The following RAPGEF2 variants were observed in gnomAD, a reference collection of about 807,000 sequenced individuals.
RAPGEF2 encodes the protein Rap guanine nucleotide exchange factor 2, also known as PDZ domain containing guanine nucleotide exchange factor (GEF) 1.
A neutral mutation model predicts 186.7 loss-of-function variants in RAPGEF2; 54 were observed. That is an observed-to-expected ratio of 0.29 (90% confidence interval 0.23 to 0.36). The LOEUF (loss-of-function observed/expected upper bound fraction) is 0.36, where lower values mean the gene tolerates loss of function less well. Among genes scored for constraint, RAPGEF2 ranks in the 10% least tolerant of loss-of-function variants. The pLI is 1.00. For missense variants in RAPGEF2, 1,532 were observed against 2,045.0 expected (o/e 0.75, Z 4.84); for synonymous variants, 712 against 705.9 (o/e 1.01, Z -0.14).
chr4:159,301,419 G>A (rs1171007901), intron 7 of RAPGEF2, among the ~76,000 whole-genome samples: 1 of 151,988 alleles, frequency 6.6e-6, no homozygotes, highest in Non-Finnish European at 1.5e-5. Context: ...CTAATTGGTG[G>A]GAAAAGATTT....
At chr4:159,175,788 A>G (rs1330184956) in intron 1 of RAPGEF2, among the ~76,000 whole-genome samples, 1 of 152,148 alleles carries the variant, frequency 6.6e-6, no homozygotes, top group Non-Finnish European at 1.5e-5. Context: ...CACAGATTGA[A>G]AACACATTTC....
At chr4:159,157,923 T>C (rs1270672942) in intron 1 of RAPGEF2, among the ~76,000 whole-genome samples, 1 of 152,122 alleles carries the variant, frequency 6.6e-6, no homozygotes, top group Non-Finnish European at 1.5e-5. Flanking sequence ...GTAGGGAAGC[T>C]GGGTTTTGAG....
chr4:159,229,030 A>G (rs1363680655), intron 4 of RAPGEF2, among the ~76,000 whole-genome samples: 2 of 152,196 alleles, frequency 1.3e-5, no homozygotes, highest in Admixed American at 6.5e-5. Context: ...AAACAAATCA[A>G]TTGGTTTTGA....
chr4:159,232,218 G>A (rs765481483), intron 4 of RAPGEF2, among the ~76,000 whole-genome samples: 4 of 152,166 alleles, frequency 2.6e-5, no homozygotes, highest in Non-Finnish European at 5.9e-5. Context: ...TGTGCCACTA[G>A]TGGCGCTACC....
intron 3 of RAPGEF2, among the ~76,000 whole-genome samples, chr4:159,205,135 T>G (rs78374211): frequency 6.6e-6 from 1 of 152,218 alleles, no homozygotes; most frequent in African/African-American, 2.4e-5. Context: ...GAGTTCATAT[T>G]GAGACCATTT....
chr4:159,240,895 A>G (rs549863448), intron 5 of RAPGEF2: 48 of 263,876 alleles, frequency 1.8e-4, no homozygotes, highest in Middle Eastern at 1.1e-3. Context: ...ATCCTGTGAG[A>G]TCTTTCACTA....
At chr4:159,250,987 G>A (rs1450886985) in intron 7 of RAPGEF2, among the ~76,000 whole-genome samples, 2 of 152,332 alleles carry the variant, frequency 1.3e-5, no homozygotes, top group African/African-American at 4.8e-5. Flanking sequence ...GTTCCCAGTG[G>A]GCACAGGCTT....
At chr4:159,108,003 G>C (rs986464829) in intron 1 of RAPGEF2, among the ~76,000 whole-genome samples, 1 of 152,026 alleles carries the variant, frequency 6.6e-6, no homozygotes, top group Admixed American at 6.5e-5. Context: ...TAAACTATCT[G>C]TATGCCATTT....
intron 13 of RAPGEF2, among the ~76,000 whole-genome samples, chr4:159,330,822 T>G (rs1766589718): frequency 6.6e-6 from 1 of 152,164 alleles, no homozygotes; most frequent in African/African-American, 2.4e-5. Flanking sequence ...AATCTACATT[T>G]TCTAGTTTGG....
rs993705729 is a variant in RAPGEF2, at chr4:159,341,633, A to G, written c.2604A>G (p.Arg868=). Residue 868 remains arginine (R), a synonymous_variant, in exon 20 of 30, where the codon AGA becomes AGG. Transcript: ENST00000691494. ...CSDEDAQELL[R]ESQISLLQLS... Reference sequence around the variant, plus strand: ...ATGAAGATGCTCAGGAGTTGTTGAGAGAGAGTCAAATTTCCCTCCTTCAGC... The same window carrying G: ...ATGAAGATGCTCAGGAGTTGTTGAGGGAGAGTCAAATTTCCCTCCTTCAGC... 2 of 1,613,896 alleles carry G rather than the reference A, an allele frequency of 1.2e-6. No individual in the cohort carries two copies. The highest frequency in any genetic ancestry group is 1.7e-5 in the Admixed American group (1 of 59,992).
chr4:159,206,279 C>T (rs1241323146), intron 3 of RAPGEF2, among the ~76,000 whole-genome samples: 1 of 152,104 alleles, frequency 6.6e-6, no homozygotes, highest in African/African-American at 2.4e-5. Context: ...CTGTTGAGTA[C>T]CTCATGTAAT....
intron 16 of RAPGEF2, 31 bp from the exon 17 acceptor site, chr4:159,332,420 T>C (rs1181637670): frequency 1.9e-6 from 3 of 1,591,292 alleles, no homozygotes; most frequent in Non-Finnish European, 2.6e-6. Context: ...TAATTGCCAT[T>C]ACGTGGTGTT....
intron 7 of RAPGEF2, among the ~76,000 whole-genome samples, chr4:159,252,873 A>G (rs752580439): frequency 2.8e-4 from 43 of 151,518 alleles, no homozygotes; most frequent in Non-Finnish European, 5.3e-4. Context: ...AAATTGAAAC[A>G]AAAAGTTTTA....
At chr4:159,343,683 G>A (rs1263606373) in intron 22 of RAPGEF2, among the ~76,000 whole-genome samples, 1 of 152,160 alleles carries the variant, frequency 6.6e-6, no homozygotes, top group East Asian at 1.9e-4. Context: ...ACACTGACTT[G>A]TAGAGCTAAA....
chr4:159,132,010 A>G lies in RAPGEF2; in HGVS notation c.69+27779A>G, dbSNP rs540520673. Among the ~76,000 whole-genome samples the G allele has an allele frequency of 7.2e-5, 11 of 152,272 alleles. No individual in the cohort carries two copies. The South Asian group carries it at 1.9e-3, about 26-fold the overall frequency. ...TTTAATGGGTATATTGTTTGAAACTATCAAGTTGGAGAGTAAAATATTCCC... is the reference window on the plus strand; with the variant it reads ...TTTAATGGGTATATTGTTTGAAACTGTCAAGTTGGAGAGTAAAATATTCCC... On this transcript the variant is annotated intron_variant, in intron 1 of 29. Transcript: ENST00000691494.
intron 4 of RAPGEF2, among the ~76,000 whole-genome samples, chr4:159,220,578 T>C (rs1467831864): frequency 6.6e-6 from 1 of 152,190 alleles, no homozygotes; most frequent in African/African-American, 2.4e-5. Flanking sequence ...GCTCTACAGT[T>C]ACTGATCGCT....
chr4:159,137,040 A>G (rs910321191), intron 1 of RAPGEF2, among the ~76,000 whole-genome samples: 1 of 152,168 alleles, frequency 6.6e-6, no homozygotes, highest in Non-Finnish European at 1.5e-5. Context: ...GTAAACAGAA[A>G]AGGTGGGGGG....
chr4:159,182,316 A>G (rs192320882), intron 1 of RAPGEF2, among the ~76,000 whole-genome samples: 1 of 152,162 alleles, frequency 6.6e-6, no homozygotes, highest in East Asian at 1.9e-4. Flanking sequence ...ACATACCATA[A>G]CATTGTTTTA....
Position 159,343,042 on chromosome 4 carries a change from C to T in RAPGEF2, c.2982C>T (p.Tyr994=), listed in dbSNP as rs756674065. The T allele has an allele frequency of 8.7e-6, 14 of 1,613,908 alleles. No individual in the cohort carries two copies. Among genetic ancestry groups the T allele is most frequent in the African/African-American group, 6.7e-5 (5 of 74,894 alleles). ...RTTWEKLPNK[Y]EKLFQDLQDL... ...CCTGGGAGAAACTTCCCAATAAATACGAAAAACTATTTCAAGATCTCCAAG... is the reference window on the plus strand; with the variant it reads ...CCTGGGAGAAACTTCCCAATAAATATGAAAAACTATTTCAAGATCTCCAAG... Residue 994 remains tyrosine (Y), a synonymous_variant, in exon 21 of 30, where the codon TAC becomes TAT. Transcript: ENST00000691494.
Sources: allele counts gnomAD v4.1 joint callset (sites outside exome capture counted in the v4.1 genomes callset), GRCh38; gene constraint gnomAD v4.1.1; transcripts MANE v1.5; gene names NCBI Gene and HGNC (gene_info 2026-07-23, HGNC 2026-07-21).